Variants in PDE8A observed in about 807,000 individuals in gnomAD.
PDE8A encodes phosphodiesterase 8A, also known as high affinity cAMP-specific and IBMX-insensitive 3',5'-cyclic phosphodiesterase 8A.
PDE8A carries 59 observed loss-of-function variants against 105.0 expected under a neutral mutation model. That is an observed-to-expected ratio of 0.56 (90% CI 0.46 to 0.70). The LOEUF (loss-of-function observed/expected upper bound fraction) is 0.70. PDE8A is among the 30% of genes least tolerant of loss of function. The pLI, the probability that PDE8A is intolerant of heterozygous loss-of-function variation, is 0.00. For synonymous variants in PDE8A, 355 were observed against 371.9 expected (o/e 0.95, Z 0.52); for missense variants, 1,014 against 1,045.9 (o/e 0.97, Z 0.42).
chr15:85,002,811 G>T (rs934136740), intron 1 of PDE8A, among the ~76,000 whole-genome samples: 1 of 152,186 alleles, frequency 6.6e-6, no homozygotes, highest in Admixed American at 6.5e-5. Context: ...TGTGGAAGGG[G>T]CTTGTTAGGA....
intron 1 of PDE8A, among the ~76,000 whole-genome samples, chr15:85,041,485 T>C (rs1030262450): frequency 2.0e-5 from 3 of 152,236 alleles, no homozygotes; most frequent in African/African-American, 7.2e-5. Context: ...ACATCCTCTT[T>C]GACAGTCTGT....
In PDE8A at chr15:85,124,933, C is replaced by T. The variant is rs527864608; in HGVS notation, c.2086-1274C>T. Among the ~76,000 whole-genome samples the T allele has an allele frequency of 2.0e-5, 3 of 152,338 alleles. No homozygotes were observed. The East Asian group carries it at 5.8e-4, about 29-fold the overall frequency. ...ATGGTTCTCATCTCTGTTGTCGGTA[C>T]ATGGGGTTACTTCTGAGAGACTGAA... On this transcript the variant is annotated intron_variant, in intron 19 of 21. Coordinates refer to ENST00000394553, the MANE Select transcript of PDE8A (RefSeq NM_002605.3).
chr15:85,089,675 G>A (rs1044173472), intron 7 of PDE8A, among the ~76,000 whole-genome samples: 5 of 152,096 alleles, frequency 3.3e-5, no homozygotes, highest in Non-Finnish European at 7.4e-5. Flanking sequence ...CCACTAGTTT[G>A]TTTATTTAAC....
intron 1 of PDE8A, among the ~76,000 whole-genome samples, chr15:85,057,014 G>T (rs977431077): frequency 1.3e-5 from 2 of 152,120 alleles, no homozygotes; most frequent in African/African-American, 4.8e-5. Flanking sequence ...TGTCCTTTCT[G>T]TTTGTTAGTT....
chr15:85,006,379 G>C (rs1313903798), intron 1 of PDE8A, among the ~76,000 whole-genome samples: 1 of 152,178 alleles, frequency 6.6e-6, no homozygotes, highest in Non-Finnish European at 1.5e-5. Flanking sequence ...TGCAAGCTGA[G>C]GGCAGGATGC....
intron 8 of PDE8A, among the ~76,000 whole-genome samples, chr15:85,097,529 G>T (rs2081777058): frequency 6.6e-6 from 1 of 152,162 alleles, no homozygotes; most frequent in South Asian, 2.1e-4. Flanking sequence ...CACCTCAGAA[G>T]CCGGTAGTGG....
intron 1 of PDE8A, among the ~76,000 whole-genome samples, chr15:85,062,229 G>A (rs56850856): frequency 0.089 from 13,578 of 152,084 alleles, 1,685 homozygotes; most frequent in African/African-American, 0.28. Context: ...ATCATTCTCC[G>A]TCTTCCCCAG....
intron 1 of PDE8A, among the ~76,000 whole-genome samples, chr15:85,049,989 G>T (rs534253140): frequency 1.3e-5 from 2 of 151,998 alleles, no homozygotes. Context: ...GTTCTCATCA[G>T]CACTTGTTAT....
chr15:85,017,619 G>A (rs2080347497), intron 1 of PDE8A, among the ~76,000 whole-genome samples: 1 of 152,168 alleles, frequency 6.6e-6, no homozygotes, highest in Non-Finnish European at 1.5e-5. Flanking sequence ...GGACACGGTG[G>A]CTCACGCCTG....
At chr15:85,011,689 G>C (rs2080241635) in intron 1 of PDE8A, among the ~76,000 whole-genome samples, 3 of 152,142 alleles carry the variant, frequency 2.0e-5, no homozygotes. Flanking sequence ...AGCCAAAATT[G>C]ACACATGGGA....
intron 1 of PDE8A, among the ~76,000 whole-genome samples, chr15:85,046,460 A>G (rs1375604456): frequency 2.6e-5 from 4 of 152,256 alleles, no homozygotes; most frequent in African/African-American, 9.6e-5. Flanking sequence ...TATAATTTCT[A>G]GATAAATGAT....
intron 1 of PDE8A, among the ~76,000 whole-genome samples, chr15:85,032,028 T>C (rs556583897): frequency 6.6e-6 from 1 of 152,348 alleles, no homozygotes; most frequent in South Asian, 2.1e-4. Flanking sequence ...GTATAGGTGA[T>C]GTTACTTTGA....
At chr15:85,064,700 TC>T (rs2081194522) in intron 2 of PDE8A, among the ~76,000 whole-genome samples, 1 of 152,182 alleles carries the variant, frequency 6.6e-6, no homozygotes, top group Admixed American at 6.5e-5. Flanking sequence ...ATGCCTATAA[TC>T]CCAGCACTTT....
Position 84,995,469 on chromosome 15 carries a change from C to A in PDE8A, c.186+13121C>A, listed in dbSNP as rs530869963. Among the ~76,000 whole-genome samples the A allele has an allele frequency of 2.0e-5, 3 of 152,176 alleles. No individual in the cohort carries two copies. In the East Asian group the frequency reaches 5.8e-4, roughly 29 times the overall value. On this transcript the variant is annotated intron_variant, in intron 1 of 21. Coordinates refer to ENST00000394553, the MANE Select transcript of PDE8A (RefSeq NM_002605.3). ...GGTAGCTGGGACTACAGGTACGCAC[C>A]ACCACTCCTGGCTAATTAAAAAAAT...
chr15:85,117,593 C>T (rs1189566560), intron 16 of PDE8A, 48 bp from the exon 17 acceptor site: 1 of 1,513,030 alleles, frequency 6.6e-7, no homozygotes, highest in Admixed American at 1.7e-5. Context: ...AACACTTGGC[C>T]TGTTTGTTTG....
intron 1 of PDE8A, among the ~76,000 whole-genome samples, chr15:85,056,241 A>G (rs1567254132): frequency 3.3e-5 from 5 of 151,720 alleles, no homozygotes; most frequent in Non-Finnish European, 2.9e-5. Context: ...TGCCCTTAAC[A>G]TTTTTTCCTT....
At chr15:85,071,280 C>G (rs2081306827) in intron 3 of PDE8A, among the ~76,000 whole-genome samples, 1 of 152,214 alleles carries the variant, frequency 6.6e-6, no homozygotes, top group South Asian at 2.1e-4. Context: ...GCTGGAGTTG[C>G]TCTAACCAGA....
chr15:85,083,651 C>T lies in PDE8A; in HGVS notation c.635+7C>T. On this transcript the variant is annotated splice_region_variant and intron_variant, in intron 6 of 21. Coordinates refer to ENST00000394553, the MANE Select transcript of PDE8A (RefSeq NM_002605.3). ...GATCACAACTGAAACTCAGGTAATTCTACCACTTCTGGAAAGCCCTCCAGG... is the reference window on the plus strand; with the variant it reads ...GATCACAACTGAAACTCAGGTAATTTTACCACTTCTGGAAAGCCCTCCAGG... 1 of 1,593,008 alleles carries T rather than the reference C, an allele frequency of 6.3e-7. No homozygotes were observed. Among genetic ancestry groups the T allele is most frequent in the Admixed American group, 1.7e-5 (1 of 59,968 alleles).
intron 1 of PDE8A, among the ~76,000 whole-genome samples, chr15:84,989,821 A>G (rs2079858736): frequency 6.6e-6 from 1 of 152,204 alleles, no homozygotes; most frequent in Non-Finnish European, 1.5e-5. Flanking sequence ...CATTTTTAAT[A>G]TAGTTTTTCT....
Sources: gnomAD v4.1 joint callset for allele counts (sites outside exome capture counted in the v4.1 genomes callset) on GRCh38, gnomAD v4.1.1 for gene constraint, MANE v1.5 for transcripts, NCBI Gene and HGNC (gene_info 2026-07-23, HGNC 2026-07-21) for gene names.